CDC14A: variants seen among roughly 807,000 people sequenced by gnomAD.
CDC14A encodes cell division cycle 14A, also known as dual specificity protein phosphatase CDC14A.
CDC14A carries 53 observed loss-of-function variants against 74.4 expected under a neutral mutation model. The ratio of observed to expected loss-of-function variants is 0.71; its 90% confidence interval spans 0.57 to 0.89. CDC14A has a LOEUF of 0.89. Ranked by LOEUF, CDC14A falls within the 40% of genes least tolerant of loss-of-function variation. The pLI is 0.00. For synonymous variants in CDC14A, 247 were observed against 258.4 expected, an observed-to-expected ratio of 0.96 and a Z score of 0.43; for missense variants, 646 against 713.7, an observed-to-expected ratio of 0.91 and a Z score of 1.08.
upstream of CDC14A, among the ~76,000 whole-genome samples, chr1:100,348,473 T>G (rs899842692): frequency 6.6e-6 from 1 of 152,212 alleles, no homozygotes; most frequent in South Asian, 2.1e-4. Context: ...TGCTCTCATC[T>G]GAATCTTCCA....
chr1:100,393,484 C>T (rs1657997982), intron 4 of CDC14A: 5 of 769,950 alleles, frequency 6.5e-6, no homozygotes, highest in South Asian at 1.3e-5. Flanking sequence ...GGTTGTCGAG[C>T]AGCCAGTCTC....
Position 100,455,492 on chromosome 1 carries a change from G to A in CDC14A, c.607G>A (p.Gly203Ser). 6.4e-7 allele frequency: 1 copy of A among 1,562,348 alleles called. No homozygotes were observed. Among genetic ancestry groups the A allele is most frequent in the Non-Finnish European group, 8.7e-7 (1 of 1,152,388 alleles). ...ACATCCTAAAAGCAAAATTGAGAAT[G>A]GTAGGTTTTTTTTTCCTTTACCATC... ...GPHPKSKIEN[G>S]YPLHAPEAYF... Residue 203 changes from glycine (G) to serine (S), a missense_variant and splice_region_variant, in exon 8 of 16, where the codon GGT (glycine) becomes AGT (serine). Coordinates refer to ENST00000336454, the MANE Select transcript of CDC14A (RefSeq NM_003672.4).
intron 2 of CDC14A, among the ~76,000 whole-genome samples, chr1:100,360,250 C>T (rs902579224): frequency 1.3e-5 from 2 of 151,344 alleles, no homozygotes; most frequent in Non-Finnish European, 2.9e-5. Context: ...CTGTGCCTAG[C>T]CTTTTTCACC....
chr1:100,485,483 G>C (rs1178779910), intron 11 of CDC14A: 2 of 201,524 alleles, frequency 9.9e-6, no homozygotes, highest in African/African-American at 4.7e-5. Context: ...GAGGATGTTT[G>C]AGCCCAGTGG....
rs1667430809 is a variant in CDC14A at position 100,462,714 on chromosome 1, T to C, written c.671T>C (p.Val224Ala). The part of the protein sequence containing the change: ...PYFKKHNVTA[V>A]VRLNKKIYEA... ...TTCAAAAAGCATAATGTGACTGCAG[T>C]TGTGAGGCTAAACAAAAAGATTTAT... Residue 224 changes from valine (V) to alanine (A), a missense_variant, in exon 9 of 16, where the codon GTT becomes GCT. Val to Ala is a moderately conservative substitution (Grantham distance 64). Transcript: ENST00000336454. 1 of 1,614,128 alleles carries C rather than the reference T, an allele frequency of 6.2e-7. No individual in the cohort carries two copies.
chr1:100,373,661 C>T (rs1570986137), intron 2 of CDC14A, among the ~76,000 whole-genome samples: 1 of 152,268 alleles, frequency 6.6e-6, no homozygotes, highest in South Asian at 2.1e-4. Context: ...TTGTCTTGGA[C>T]TGGTCAGTAA....
At position 100,513,071 on chromosome 1, in the gene CDC14A, A is replaced by G. The variant is rs548796657; in HGVS notation, c.1756-5180A>G. Among the ~76,000 whole-genome samples the G allele has an allele frequency of 2.4e-4, 37 of 152,310 alleles. No individual in the cohort carries two copies. The East Asian group carries it at 4.4e-3, about 18-fold the overall frequency. On this transcript the variant is annotated intron_variant, in intron 15 of 15. Transcript: ENST00000336454. Reference sequence around the variant, plus strand: ...CCTATTGAAATAAAAAATAAAAAATACTTTCAGTATTGTGAAACCACAGTT... The same window carrying G: ...CCTATTGAAATAAAAAATAAAAAATGCTTTCAGTATTGTGAAACCACAGTT...
chr1:100,452,590 C>G (rs1666261856), intron 7 of CDC14A, among the ~76,000 whole-genome samples: 1 of 152,116 alleles, frequency 6.6e-6, no homozygotes, highest in African/African-American at 2.4e-5. Flanking sequence ...GTGAGTTATT[C>G]AAAAGAAAGC....
chr1:100,491,780 C>T (rs944953673), intron 11 of CDC14A, among the ~76,000 whole-genome samples: 5 of 150,678 alleles, frequency 3.3e-5, no homozygotes, highest in Admixed American at 1.3e-4. Flanking sequence ...CCATGTGGGC[C>T]AGGTTGGTCT....
chr1:100,474,632 T>G (rs1361804191), intron 10 of CDC14A, among the ~76,000 whole-genome samples: 2 of 151,128 alleles, frequency 1.3e-5, no homozygotes, highest in Non-Finnish European at 2.9e-5. Context: ...AAAGTATTCC[T>G]TTATGTTTGC....
chr1:100,441,683 A>G (rs373289278), intron 6 of CDC14A, among the ~76,000 whole-genome samples: 2 of 151,554 alleles, frequency 1.3e-5, no homozygotes, highest in Admixed American at 6.6e-5. Context: ...GACTAATTTA[A>G]ATAATTTGTT....
chr1:100,449,946 G>A (rs17122537), intron 7 of CDC14A, among the ~76,000 whole-genome samples: 1,849 of 152,060 alleles, frequency 0.012, 40 homozygotes, highest in African/African-American at 0.042. Context: ...AATTTACCAT[G>A]GTAGACAACT....
intron 5 of CDC14A, 35 bp from the exon 6 acceptor site, chr1:100,439,897 C>A (rs1664739037): frequency 2.0e-6 from 3 of 1,481,368 alleles, no homozygotes; most frequent in Non-Finnish European, 2.8e-6. Flanking sequence ...GTTCTAAATG[C>A]AAGTTTTTAA....
At chr1:100,394,975 C>T (rs573008515) in intron 4 of CDC14A, among the ~76,000 whole-genome samples, 68 of 152,262 alleles carry the variant, frequency 4.5e-4, no homozygotes, top group African/African-American at 1.6e-3. Context: ...GGAATCTTCT[C>T]TGGATACAAA....
intron 13 of CDC14A, among the ~76,000 whole-genome samples, chr1:100,497,556 A>G (rs766412150): frequency 6.6e-6 from 1 of 152,264 alleles, no homozygotes; most frequent in Admixed American, 6.5e-5. Flanking sequence ...TAAGATTAAA[A>G]GATGCCACTT....
intron 4 of CDC14A, among the ~76,000 whole-genome samples, chr1:100,398,368 T>G (rs1658818628): frequency 6.6e-6 from 1 of 152,186 alleles, no homozygotes; most frequent in South Asian, 2.1e-4. Context: ...CATCTTCCTC[T>G]TGTCCATCAT....
intron 10 of CDC14A, among the ~76,000 whole-genome samples, chr1:100,472,165 AT>A (rs1479918597): frequency 6.6e-6 from 1 of 152,164 alleles, no homozygotes; most frequent in Non-Finnish European, 1.5e-5. Context: ...ATGAAAAGAC[AT>A]TTCATAGAAG....
chr1:100,353,364 C>T (rs1020981329), intron 1 of CDC14A, among the ~76,000 whole-genome samples: 2 of 152,208 alleles, frequency 1.3e-5, no homozygotes, highest in Non-Finnish European at 2.9e-5. Context: ...AACCACACCC[C>T]CCAAGTCTCT....
At chr1:100,485,071 GT>G in intron 11 of CDC14A, 3 of 985,332 alleles carry the variant, frequency 3.0e-6, no homozygotes, top group Non-Finnish European at 3.6e-6. Flanking sequence ...CCAAGCTTGT[GT>G]TTTTTTATAT....
Sources: gnomAD v4.1 joint callset for allele counts (sites outside exome capture counted in the v4.1 genomes callset) on GRCh38, gnomAD v4.1.1 for gene constraint, MANE v1.5 for transcripts, NCBI Gene and HGNC (gene_info 2026-07-23, HGNC 2026-07-21) for gene names.